Variants in ASTN2 observed in about 807,000 individuals in gnomAD.
ASTN2 encodes astrotactin 2, also known as astrotactin-2.
In ASTN2, 54 loss-of-function variants were observed where a neutral mutation model predicts 139.8. The ratio of observed to expected loss-of-function variants is 0.39; its 90% CI spans 0.31 to 0.48. ASTN2 has a LOEUF of 0.48. Ranked by LOEUF, ASTN2 falls within the 20% of genes least tolerant of loss-of-function variation. The pLI, the probability that ASTN2 is intolerant of heterozygous loss-of-function variation, is 0.95. For synonymous variants in ASTN2, 756 were observed against 719.5 expected (o/e 1.05, Z -0.81); for missense variants, 1,565 against 1,725.1 (o/e 0.91, Z 1.64).
At chr9:117,071,089 A>T (rs1408293279) in intron 5 of ASTN2, among the ~76,000 whole-genome samples, 1 of 147,982 alleles carries the variant, frequency 6.8e-6, no homozygotes, top group African/African-American at 2.5e-5. Context: ...AGGCGCTCTG[A>T]TTTTTAGAGC....
chr9:116,861,261 A>G (rs914034303), intron 11 of ASTN2, among the ~76,000 whole-genome samples: 1 of 134,274 alleles, frequency 7.4e-6, no homozygotes, highest in Non-Finnish European at 1.6e-5. Context: ...ACACACACAC[A>G]CTCCTCTGTA....
intron 3 of ASTN2, among the ~76,000 whole-genome samples, chr9:117,177,770 A>T (rs555885584): frequency 3.3e-5 from 5 of 152,272 alleles, no homozygotes; most frequent in Admixed American, 2.6e-4. Flanking sequence ...CATTTTTGTT[A>T]TTGTTATATG....
Position 117,057,835 on chromosome 9 carries a change from G to A in ASTN2, c.1277-17870C>T, listed in dbSNP as rs777678043. 3.3e-5 allele frequency among the ~76,000 whole-genome samples: 5 copies of A among 152,074 alleles called. 1 individual carries two copies. Among genetic ancestry groups the A allele is most frequent in the South Asian group, 4.1e-4 (2 of 4,824 alleles). ...CAAATTTATCAGTCTCTGGTTACAC[G>A]AACTTAGGCTGGTCATTTCTGTTTT... On this transcript the variant is annotated intron_variant, in intron 5 of 22. Transcript: ENST00000313400.
At chr9:117,092,650 G>T (rs1238760085) in intron 5 of ASTN2, among the ~76,000 whole-genome samples, 1 of 152,162 alleles carries the variant, frequency 6.6e-6, no homozygotes, top group Non-Finnish European at 1.5e-5. Context: ...GCTATTAGAT[G>T]ACCATTCTCA....
intron 10 of ASTN2, among the ~76,000 whole-genome samples, chr9:116,973,124 C>T (rs1805407174): frequency 6.6e-6 from 1 of 152,160 alleles, no homozygotes; most frequent in South Asian, 2.1e-4. Flanking sequence ...TCCCCTATTG[C>T]AGATCAGGGA....
intron 3 of ASTN2, among the ~76,000 whole-genome samples, chr9:117,155,948 G>A: frequency 6.6e-6 from 1 of 151,964 alleles, no homozygotes; most frequent in East Asian, 1.9e-4. Context: ...ACCATACCTA[G>A]GAGTGTGTTG....
At chr9:117,168,478 G>A (rs1830718170) in intron 3 of ASTN2, among the ~76,000 whole-genome samples, 1 of 152,068 alleles carries the variant, frequency 6.6e-6, no homozygotes, top group Admixed American at 6.5e-5. Flanking sequence ...CGTTGATGAA[G>A]TATGGGAGTT....
At position 116,425,984 on chromosome 9, in the gene ASTN2, A is replaced by G; in HGVS notation, c.3887T>C (p.Leu1296Pro). 6.2e-7 allele frequency: 1 copy of G among 1,614,172 alleles called. No homozygotes were observed. The highest frequency in any genetic ancestry group is 8.5e-7 in the Non-Finnish European group (1 of 1,180,034). The change falls in exon 23 of 23, where the codon CTT becomes CCT. Residue 1296 changes from leucine (L) to proline (P), a missense_variant. Physicochemically the swap from Leu to Pro is moderately conservative, Grantham distance 98 (BLOSUM62 -3). Around this residue, in one of 4 missense-constraint regions of ASTN2, gnomAD observed 418 missense variants for 465.8 expected, o/e 0.90. Transcript: ENST00000313400. ...CCGGACCTCCTCGCTGCGGCAGAAA[A>G]GATAGGGCACTGTTTCCACGCGGCT... ...IQSRVETVPYLFCRSEEVRPA... is the reference protein window; with the variant it reads ...IQSRVETVPYPFCRSEEVRPA...
At chr9:117,256,770 C>A (rs1260227408) in intron 2 of ASTN2, among the ~76,000 whole-genome samples, 2 of 152,094 alleles carry the variant, frequency 1.3e-5, no homozygotes, top group African/African-American at 4.8e-5. Flanking sequence ...TAACTCAGAC[C>A]CTCTCACCTT....
At chr9:116,487,083 T>G (rs1393722750) in intron 20 of ASTN2, among the ~76,000 whole-genome samples, 1 of 152,186 alleles carries the variant, frequency 6.6e-6, no homozygotes, top group Non-Finnish European at 1.5e-5. Flanking sequence ...GAGTAAGCCC[T>G]CTTCTCTCTC....
At chr9:117,073,696 A>G (rs1289834348) in intron 5 of ASTN2, among the ~76,000 whole-genome samples, 1 of 152,176 alleles carries the variant, frequency 6.6e-6, no homozygotes, top group Non-Finnish European at 1.5e-5. Context: ...CTCAGGAGTG[A>G]CAAATTATGT....
At chr9:116,878,356 T>C (rs1361338178) in intron 10 of ASTN2, among the ~76,000 whole-genome samples, 1 of 152,184 alleles carries the variant, frequency 6.6e-6, no homozygotes, top group African/African-American at 2.4e-5. Context: ...ATATACACCA[T>C]GGAATACTAT....
At chr9:117,058,449 A>T (rs1587913481) in intron 5 of ASTN2, among the ~76,000 whole-genome samples, 1 of 152,330 alleles carries the variant, frequency 6.6e-6, no homozygotes, top group African/African-American at 2.4e-5. Context: ...TTATCATTTC[A>T]TATTTACATC....
chr9:117,068,217 AG>A (rs1402553394), intron 5 of ASTN2, among the ~76,000 whole-genome samples: 1 of 87,086 alleles, frequency 1.1e-5, no homozygotes, highest in African/African-American at 4.6e-5. Context: ...TTTCGCATGA[AG>A]GGTTGTTGAA....
chr9:116,833,770 C>A (rs1004123708), intron 11 of ASTN2, among the ~76,000 whole-genome samples: 2 of 152,130 alleles, frequency 1.3e-5, no homozygotes, highest in Non-Finnish European at 2.9e-5. Flanking sequence ...TATGTCCCCA[C>A]AAAGATTTGT....
chr9:117,331,610 A>C (rs2130849818), intron 1 of ASTN2, among the ~76,000 whole-genome samples: 1 of 152,342 alleles, frequency 6.6e-6, no homozygotes, highest in Non-Finnish European at 1.5e-5. Flanking sequence ...TTGATAAATA[A>C]ATGGGTGGTG....
intron 1 of ASTN2, among the ~76,000 whole-genome samples, chr9:117,297,422 C>A (rs761202615): frequency 6.6e-6 from 1 of 152,192 alleles, no homozygotes. Context: ...AATACTCATG[C>A]CCTTTTTCAT....
At chr9:116,894,380 T>C (rs1833835008) in intron 10 of ASTN2, among the ~76,000 whole-genome samples, 1 of 152,196 alleles carries the variant, frequency 6.6e-6, no homozygotes. Flanking sequence ...CAAATGACAG[T>C]TATCACATAA....
intron 15 of ASTN2, among the ~76,000 whole-genome samples, chr9:116,727,347 G>A (rs902737538): frequency 6.6e-6 from 1 of 152,112 alleles, no homozygotes; most frequent in African/African-American, 2.4e-5. Context: ...CCACATCAAA[G>A]TAAAATGTAA....
Sources: allele counts gnomAD v4.1 joint callset (sites outside exome capture counted in the v4.1 genomes callset), GRCh38; gene constraint gnomAD v4.1.1; regional missense constraint gnomAD v4.1.1; transcripts MANE v1.5; gene names NCBI Gene and HGNC (gene_info 2026-07-23, HGNC 2026-07-21).